The following DPP6 variants were observed in gnomAD, a reference collection of about 807,000 sequenced individuals.
DPP6 encodes the protein dipeptidyl peptidase like 6, also known as A-type potassium channel modulatory protein DPP6.
In DPP6, 69 loss-of-function variants were observed where a neutral mutation model predicts 122.6. That is an observed-to-expected ratio of 0.56 (90% CI 0.46 to 0.69). The LOEUF (loss-of-function observed/expected upper bound fraction) is 0.69. DPP6 is among the 30% of genes least tolerant of loss of function. The probability of loss-of-function intolerance (pLI) is 0.00; values close to 1 mark genes in which losing one functional copy is unlikely to be tolerated. For synonymous variants in DPP6, 418 were observed against 433.1 expected (o/e 0.97, Z 0.43); for missense variants, 928 against 1,116.9 (o/e 0.83, Z 2.41).
chr7:153,906,907 A>G (rs1387275927), intron 1 of DPP6, among the ~76,000 whole-genome samples: 2 of 152,262 alleles, frequency 1.3e-5, no homozygotes, highest in African/African-American at 4.8e-5. Context: ...TCATCCATTA[A>G]TAGACGCTTA....
chr7:154,085,089 TC>T (rs1159528107), intron 1 of DPP6, among the ~76,000 whole-genome samples: 1 of 151,416 alleles, frequency 6.6e-6, no homozygotes, highest in Non-Finnish European at 1.5e-5. Flanking sequence ...AGCTTCATTA[TC>T]CCTAGAGTAA....
the DPP6 span, among the ~76,000 whole-genome samples, chr7:153,793,974 A>T: frequency 1.4e-4 from 21 of 152,366 alleles, no homozygotes; most frequent in South Asian, 3.7e-3. Context: ...GGGAACCTCC[A>T]CCTAGATTTC....
At chr7:154,766,498 G>A (rs907821048) in intron 8 of DPP6, among the ~76,000 whole-genome samples, 3 of 152,010 alleles carry the variant, frequency 2.0e-5, no homozygotes, top group African/African-American at 7.2e-5. Flanking sequence ...GTACAGACAG[G>A]GTTTCACCGT....
chr7:153,948,214 A>G (rs10480321), intron 1 of DPP6, among the ~76,000 whole-genome samples: 73,687 of 152,058 alleles, frequency 0.48, 19,062 homozygotes, highest in East Asian at 0.86. Flanking sequence ...TAAAAAATAA[A>G]GTCCAATACT....
At chr7:154,621,875 A>G (rs1834706336) in intron 5 of DPP6, among the ~76,000 whole-genome samples, 2 of 152,096 alleles carry the variant, frequency 1.3e-5, no homozygotes, top group Admixed American at 1.3e-4. Flanking sequence ...GAGTCCATAG[A>G]ATGTCTGGGA....
At chr7:154,721,254 T>C (rs1841789242) in intron 7 of DPP6, among the ~76,000 whole-genome samples, 2 of 152,224 alleles carry the variant, frequency 1.3e-5, no homozygotes. Context: ...CAATCCTGGC[T>C]CCTCCTTCCG....
At chr7:154,809,383 AT>A (rs1391657524) in intron 16 of DPP6, among the ~76,000 whole-genome samples, 3 of 152,174 alleles carry the variant, frequency 2.0e-5, no homozygotes, top group Non-Finnish European at 2.9e-5. Flanking sequence ...AGCTGGCACC[AT>A]TGTGGATCCC....
At chr7:154,246,374 T>C (rs1801987086) in intron 1 of DPP6, among the ~76,000 whole-genome samples, 1 of 151,598 alleles carries the variant, frequency 6.6e-6, no homozygotes, top group Non-Finnish European at 1.5e-5. Context: ...GAGAAGAAAA[T>C]GTGAAAGAAA....
intron 1 of DPP6, among the ~76,000 whole-genome samples, chr7:154,264,181 T>C (rs1803216481): frequency 6.6e-6 from 1 of 152,214 alleles, no homozygotes; most frequent in Non-Finnish European, 1.5e-5. Context: ...TATTCACATA[T>C]ATTTGCACTG....
intron 1 of DPP6, among the ~76,000 whole-genome samples, chr7:153,909,479 C>T (rs996709450): frequency 2.0e-5 from 3 of 152,156 alleles, no homozygotes; most frequent in African/African-American, 4.8e-5. Context: ...CTGATATGCC[C>T]TGTCCCCCTC....
the DPP6 span, among the ~76,000 whole-genome samples, chr7:153,816,525 G>C: frequency 1.3e-5 from 2 of 152,172 alleles, no homozygotes; most frequent in African/African-American, 4.8e-5. Flanking sequence ...TATTTAAGAG[G>C]AAGGACAAAG....
intron 1 of DPP6, among the ~76,000 whole-genome samples, chr7:154,235,914 G>A (rs1301847458): frequency 6.6e-6 from 1 of 152,106 alleles, no homozygotes; most frequent in Non-Finnish European, 1.5e-5. Flanking sequence ...GTGCGGTGGT[G>A]CAATCTTGGC....
At chr7:154,112,529 C>T (rs1480799324) in intron 1 of DPP6, among the ~76,000 whole-genome samples, 2 of 151,956 alleles carry the variant, frequency 1.3e-5, no homozygotes, top group African/African-American at 4.8e-5. Context: ...CCTGTAACCC[C>T]AGCTCCTCAG....
intron 1 of DPP6, among the ~76,000 whole-genome samples, chr7:153,986,814 T>C (rs1035570635): frequency 2.6e-5 from 4 of 152,026 alleles, no homozygotes; most frequent in Non-Finnish European, 4.4e-5. Context: ...TGTAAACTCT[T>C]GAAGCAAGAA....
At chr7:154,061,875 C>T (rs1158344855) in intron 1 of DPP6, among the ~76,000 whole-genome samples, 6 of 129,146 alleles carry the variant, frequency 4.6e-5, no homozygotes, top group Non-Finnish European at 8.4e-5. Flanking sequence ...GCACCCCCCG[C>T]GAGGCAGGGA....
chr7:153,826,900 T>C, the DPP6 span, among the ~76,000 whole-genome samples: 3 of 152,116 alleles, frequency 2.0e-5, no homozygotes, highest in African/African-American at 7.2e-5. Context: ...AAAAATAATT[T>C]TGGCATATAG....
At chr7:154,418,613 A>G (rs1398933548) in intron 1 of DPP6, among the ~76,000 whole-genome samples, 1 of 152,230 alleles carries the variant, frequency 6.6e-6, no homozygotes, top group East Asian at 1.9e-4. Flanking sequence ...CCTAGAGGGT[A>G]GGAAATAACA....
At chr7:154,422,707 A>AGATGGATGGATGGGTG (rs1817574564) in intron 1 of DPP6, among the ~76,000 whole-genome samples, 1 of 129,984 alleles carries the variant, frequency 7.7e-6, no homozygotes, top group East Asian at 2.3e-4. Flanking sequence ...GTGGGTGGGT[A>AGATGGATGGATGGGTG]GATGGATGGG....
chr7:154,708,062 G>A (rs1306239767), intron 7 of DPP6, among the ~76,000 whole-genome samples: 1 of 152,122 alleles, frequency 6.6e-6, no homozygotes, highest in Non-Finnish European at 1.5e-5. Flanking sequence ...GAATGTGAGG[G>A]CAAAATAGAG....
Sources: gnomAD v4.1 joint callset for allele counts (sites outside exome capture counted in the v4.1 genomes callset) on GRCh38, gnomAD v4.1.1 for gene constraint, MANE v1.5 for transcripts, NCBI Gene and HGNC (gene_info 2026-07-23, HGNC 2026-07-21) for gene names.